Variants in HLCS observed in about 807,000 individuals in gnomAD.
HLCS encodes the protein holocarboxylase synthetase.
In HLCS, 53 loss-of-function variants were observed where a neutral mutation model predicts 75.0. The ratio of observed to expected loss-of-function variants is 0.71; its 90% CI spans 0.57 to 0.89. HLCS has a LOEUF of 0.89. HLCS is among the 40% of genes least tolerant of loss of function. The pLI is 0.00. For synonymous variants in HLCS, 431 were observed against 428.6 expected (o/e 1.01, Z -0.07); for missense variants, 966 against 1,074.0 (o/e 0.90, Z 1.41).
At chr21:36,809,394 G>C (rs1329738932) in intron 6 of HLCS, among the ~76,000 whole-genome samples, 1 of 152,152 alleles carries the variant, frequency 6.6e-6, no homozygotes, top group Non-Finnish European at 1.5e-5. Flanking sequence ...GTTTTCAAAA[G>C]TTTGCAAGAA....
At chr21:36,798,073 C>T (rs75973031) in intron 6 of HLCS, among the ~76,000 whole-genome samples, 2,333 of 152,210 alleles carry the variant, frequency 0.015, 56 homozygotes, top group African/African-American at 0.053. Context: ...GTGAGAGACT[C>T]GGGAAGCTAC....
chr21:36,931,238 G>A (rs1268411577), intron 4 of HLCS, among the ~76,000 whole-genome samples: 1 of 136,648 alleles, frequency 7.3e-6, no homozygotes, highest in African/African-American at 2.9e-5. Flanking sequence ...AGCTGAGATA[G>A]CTCCATTGCA....
intron 6 of HLCS, among the ~76,000 whole-genome samples, chr21:36,893,871 A>AAAAG (rs2064898373): frequency 6.6e-6 from 1 of 152,226 alleles, no homozygotes; most frequent in East Asian, 1.9e-4. Context: ...TAAAGCACAC[A>AAAAG]AAAGCAGCAA....
At chr21:36,867,719 T>C (rs1228459004) in intron 6 of HLCS, among the ~76,000 whole-genome samples, 2 of 152,242 alleles carry the variant, frequency 1.3e-5, no homozygotes, top group Non-Finnish European at 2.9e-5. Flanking sequence ...CCCAATGACC[T>C]ACATACACTA....
chr21:36,764,069 T>A (rs2089947798), intron 8 of HLCS, among the ~76,000 whole-genome samples: 1 of 152,164 alleles, frequency 6.6e-6, no homozygotes, highest in Admixed American at 6.5e-5. Flanking sequence ...TTCAATCCAG[T>A]CCAACAATCA....
At chr21:36,890,917 T>G (rs2064755726) in intron 6 of HLCS, among the ~76,000 whole-genome samples, 1 of 152,222 alleles carries the variant, frequency 6.6e-6, no homozygotes, top group Non-Finnish European at 1.5e-5. Flanking sequence ...GTATTTTTCT[T>G]GGTAGTCTGA....
intron 10 of HLCS, among the ~76,000 whole-genome samples, chr21:36,755,357 T>C (rs1464811565): frequency 1.3e-5 from 2 of 150,786 alleles, no homozygotes; most frequent in Non-Finnish European, 2.9e-5. Context: ...TGAGCTATGA[T>C]GGCACCACTG....
intron 6 of HLCS, among the ~76,000 whole-genome samples, chr21:36,858,188 G>C (rs541093352): frequency 6.6e-6 from 1 of 152,222 alleles, no homozygotes; most frequent in South Asian, 2.1e-4. Flanking sequence ...TTAAACTTAA[G>C]AAATCTTATC....
Position 36,842,692 on chromosome 21 carries a change from A to G in HLCS, c.1892+54168T>C, listed in dbSNP as rs1401128808. ...CGGGAGGTGGAGGTTGCAGTAAGCC[A>G]AGATTGTGCCACTGCACTCCACCCT... On this transcript the variant is annotated intron_variant, in intron 6 of 10. Coordinates refer to ENST00000674895, the MANE Select transcript of HLCS (RefSeq NM_001352514.2). This position sits in a 1 kb window ranked among gnomAD's most constrained non-coding sequence, Gnocchi z 4.2. Among the ~76,000 whole-genome samples, 4 of 152,280 alleles carry G rather than the reference A, an allele frequency of 2.6e-5. No homozygotes were observed. The highest frequency in any genetic ancestry group is 5.9e-5 in the Non-Finnish European group (4 of 68,026).
At chr21:36,759,617 G>A in intron 9 of HLCS, 110 bp downstream of exon 9, 1 of 727,318 alleles carries the variant, frequency 1.4e-6, no homozygotes, top group Non-Finnish European at 2.5e-6. Flanking sequence ...AAGACTCAAA[G>A]TAACCTCATA....
intron 5 of HLCS, among the ~76,000 whole-genome samples, chr21:36,901,496 A>G (rs896673283): frequency 9.9e-5 from 15 of 152,200 alleles, no homozygotes; most frequent in African/African-American, 3.6e-4. Context: ...GATGCCAGAA[A>G]TCTATTCTTA....
intron 5 of HLCS, among the ~76,000 whole-genome samples, chr21:36,914,343 G>A (rs1038894279): frequency 5.9e-5 from 9 of 152,210 alleles, no homozygotes; most frequent in African/African-American, 2.2e-4. Context: ...AAGGACTTAG[G>A]ATTGATGTCA....
intron 6 of HLCS, among the ~76,000 whole-genome samples, chr21:36,839,536 G>A (rs1174951085): frequency 6.6e-6 from 1 of 152,188 alleles, no homozygotes; most frequent in Non-Finnish European, 1.5e-5. Context: ...AGGGAAGAAA[G>A]GACTGAGGGA....
At chr21:36,907,190 C>A (rs1342280887) in intron 5 of HLCS, among the ~76,000 whole-genome samples, 6 of 152,024 alleles carry the variant, frequency 3.9e-5, no homozygotes, top group African/African-American at 1.2e-4. Context: ...AAATCATAGA[C>A]CTAAATGTAA....
At chr21:36,867,222 A>G (rs1273522861) in intron 6 of HLCS, among the ~76,000 whole-genome samples, 2 of 152,250 alleles carry the variant, frequency 1.3e-5, no homozygotes, top group Non-Finnish European at 2.9e-5. Flanking sequence ...TTCTCAGAGA[A>G]AAACAACAGA....
rs755415494 is a variant in HLCS at position 36,756,609 on chromosome 21, T to C, written c.2383A>G (p.Ile795Val). ...GGCCCTTTGTCCTGAAACTCTTTGA[T>C]CAGTTTCTCCAGCACAGTCACGACT... ...ARVVTVLEKL[I>V]KEFQDKGPNS... The change falls in exon 10 of 11, where the codon ATC becomes GTC. Residue 795 changes from isoleucine (I) to valine (V), a missense_variant. Transcript: ENST00000674895. 1.2e-5 allele frequency: 20 copies of C among 1,614,038 alleles called. No homozygotes were observed. Among genetic ancestry groups the C allele is most frequent in the Middle Eastern group, 1.6e-4 (1 of 6,084 alleles).
intron 8 of HLCS, among the ~76,000 whole-genome samples, 163 bp downstream of exon 8, chr21:36,764,849 C>G (rs1283452178): frequency 6.6e-6 from 1 of 152,246 alleles, no homozygotes; most frequent in Non-Finnish European, 1.5e-5. Flanking sequence ...AGCATTAGCA[C>G]CTGGTGGTGC....
chr21:36,793,861 A>G (rs1477262039), intron 6 of HLCS, among the ~76,000 whole-genome samples: 2 of 152,198 alleles, frequency 1.3e-5, no homozygotes, highest in Non-Finnish European at 2.9e-5. Flanking sequence ...ACCTCAGACA[A>G]GTTACTTAAC....
intron 6 of HLCS, among the ~76,000 whole-genome samples, chr21:36,795,509 C>T (rs953082852): frequency 6.6e-6 from 1 of 152,236 alleles, no homozygotes; most frequent in African/African-American, 2.4e-5. Context: ...CCATACTCTG[C>T]CTAGCATACG....
Sources: allele counts gnomAD v4.1 joint callset (sites outside exome capture counted in the v4.1 genomes callset), GRCh38; gene constraint gnomAD v4.1.1; non-coding constraint Gnocchi (gnomAD v3.1); transcripts MANE v1.5; gene names NCBI Gene and HGNC (gene_info 2026-07-23, HGNC 2026-07-21).